KCNH1: variants seen among roughly 807,000 people sequenced by gnomAD.
The protein encoded by KCNH1 is voltage-gated delayed rectifier potassium channel KCNH1.
Under a neutral mutation model 69.2 loss-of-function variants are expected in KCNH1, and 27 were observed. The observed-to-expected ratio is 0.39, with a 90% confidence interval of 0.29 to 0.54. KCNH1 has a LOEUF of 0.54. Ranked by LOEUF, KCNH1 falls within the 20% of genes least tolerant of loss-of-function variation. The pLI is 0.68. For missense variants in KCNH1, 798 were observed against 1,261.6 expected (o/e 0.63, Z 5.57); for synonymous variants, 456 against 487.7 (o/e 0.93, Z 0.86).
In KCNH1 at chr1:210,922,383, C is replaced by CAA. The variant is rs758026291; in HGVS notation, c.1033-2316_1033-2315dup. Among the ~76,000 whole-genome samples, 83 of 98,310 alleles carry CAA rather than the reference C, an allele frequency of 8.4e-4. 10 individuals are homozygous for CAA. The highest frequency in any genetic ancestry group is 3.7e-3 in the East Asian group (7 of 1,872). The allele number at this position is 98,310 out of a possible 152,430, so 64.5% of individuals were successfully genotyped here. Reference sequence around the variant, plus strand: ...TGGGCAACAGAGCGAGACTCCGTCTCAAAAAAAAAAAAAAAAAAAAAAAAA... The same window carrying CAA: ...TGGGCAACAGAGCGAGACTCCGTCTCAAAAAAAAAAAAAAAAAAAAAAAAAAA... On this transcript the variant is annotated intron_variant, in intron 6 of 10. Coordinates refer to ENST00000271751, the MANE Select transcript of KCNH1 (RefSeq NM_172362.3).
chr1:211,073,927 G>GA (rs1419901125), intron 5 of KCNH1, among the ~76,000 whole-genome samples: 2 of 151,706 alleles, frequency 1.3e-5, no homozygotes, highest in Non-Finnish European at 2.9e-5. Flanking sequence ...CTCATTCTTT[G>GA]AAAAAAATCA....
chr1:210,907,646 T>A (rs1009876746), intron 7 of KCNH1, among the ~76,000 whole-genome samples: 1 of 152,164 alleles, frequency 6.6e-6, no homozygotes, highest in African/African-American at 2.4e-5. Flanking sequence ...TTCCCCCACA[T>A]TGGAGCAAAC....
chr1:210,707,669 A>G (rs563044185), intron 10 of KCNH1, among the ~76,000 whole-genome samples: 4 of 152,292 alleles, frequency 2.6e-5, no homozygotes, highest in African/African-American at 9.6e-5. Context: ...GCCCAGTGGC[A>G]GGCTGTGGGC....
At chr1:210,862,248 G>A in intron 7 of KCNH1, 1 of 1,069,426 alleles carries the variant, frequency 9.4e-7, no homozygotes, top group East Asian at 2.4e-5. Context: ...GGTCCATGGT[G>A]CCCCGCAGGG....
At chr1:210,858,472 A>C (rs1053265271) in intron 7 of KCNH1, 1 of 151,968 alleles carries the variant, frequency 6.6e-6, no homozygotes, top group Non-Finnish European at 1.5e-5. Context: ...CTTGCCCCCC[A>C]CTCCATTACA....
At chr1:211,054,118 CA>C (rs57400570) in intron 5 of KCNH1, among the ~76,000 whole-genome samples, 7,415 of 131,556 alleles carry the variant, frequency 0.056, 476 homozygotes, top group African/African-American at 0.18. Context: ...AAAAATAATA[CA>C]AAAAAAAAAA....
intron 10 of KCNH1, among the ~76,000 whole-genome samples, chr1:210,725,762 C>A (rs1274060234): frequency 6.6e-6 from 1 of 152,204 alleles, no homozygotes; most frequent in Non-Finnish European, 1.5e-5. Context: ...TGCTGAGCCA[C>A]TACTCTGTTT....
chr1:210,859,917 G>C, intron 7 of KCNH1: 1 of 1,412,180 alleles, frequency 7.1e-7, no homozygotes, highest in Non-Finnish European at 1.0e-6. Flanking sequence ...ATAATGTAAA[G>C]CTGCAATTGC....
intron 6 of KCNH1, among the ~76,000 whole-genome samples, chr1:211,002,269 C>T (rs7542421): frequency 0.63 from 92,131 of 146,478 alleles, 28,994 homozygotes; most frequent in African/African-American, 0.74. Flanking sequence ...CACACACACA[C>T]ATATATATAC....
rs1051137830 is a variant in KCNH1 at position 210,715,313 on chromosome 1, C to T, written c.2113-31175G>A. 2.0e-5 allele frequency among the ~76,000 whole-genome samples: 3 copies of T among 152,220 alleles called. 1 individual carries two copies. The highest frequency in any genetic ancestry group is 6.8e-3 in the Middle Eastern group (2 of 294). ...CAAGAGGGTAGGGAGGGACAAGGAG[C>T]CCAGTTCTCTTTGCCTTGAGCCTTA... On this transcript the variant is annotated intron_variant, in intron 10 of 10. Coordinates refer to ENST00000271751, the MANE Select transcript of KCNH1 (RefSeq NM_172362.3).
chr1:211,076,775 A>G (rs1204349231), intron 5 of KCNH1, among the ~76,000 whole-genome samples: 13 of 152,258 alleles, frequency 8.5e-5, no homozygotes. Context: ...GAGCTGACAG[A>G]AGTAGGCTTC....
intron 7 of KCNH1, among the ~76,000 whole-genome samples, chr1:210,816,557 G>A (rs1000361417): frequency 3.9e-5 from 6 of 152,184 alleles, no homozygotes; most frequent in Admixed American, 3.9e-4. Flanking sequence ...AGCTCGCTGA[G>A]TTCTTGATTG....
At chr1:210,734,879 A>C (rs1213208116) in intron 10 of KCNH1, among the ~76,000 whole-genome samples, 2 of 152,162 alleles carry the variant, frequency 1.3e-5, no homozygotes, top group Admixed American at 6.5e-5. Context: ...GTAAGCTATT[A>C]ATATTAGGAT....
At chr1:211,071,080 A>C (rs1690634025) in intron 5 of KCNH1, among the ~76,000 whole-genome samples, 1 of 152,374 alleles carries the variant, frequency 6.6e-6, no homozygotes, top group East Asian at 1.9e-4. Context: ...ACAAAGCTAC[A>C]GAAAATAAAA....
chr1:211,090,364 C>T (rs950398499), intron 4 of KCNH1, among the ~76,000 whole-genome samples, 198 bp downstream of exon 4: 77 of 152,180 alleles, frequency 5.1e-4, no homozygotes, highest in African/African-American at 1.8e-3. Context: ...AAATGCTTTC[C>T]TAAACAAAGT....
chr1:210,900,776 C>A (rs546362051), intron 7 of KCNH1, among the ~76,000 whole-genome samples: 36 of 152,254 alleles, frequency 2.4e-4, no homozygotes, highest in Admixed American at 1.3e-3. Flanking sequence ...TAATAGGGTT[C>A]TCCTCACTGA....
intron 7 of KCNH1, among the ~76,000 whole-genome samples, chr1:210,817,989 C>G (rs573616424): frequency 6.6e-6 from 1 of 152,220 alleles, no homozygotes; most frequent in South Asian, 2.1e-4. Context: ...AAGGTGTCTC[C>G]AGACATTGAT....
chr1:210,748,403 T>C (rs1683210205), intron 10 of KCNH1, among the ~76,000 whole-genome samples: 2 of 152,198 alleles, frequency 1.3e-5, no homozygotes, highest in Non-Finnish European at 2.9e-5. Context: ...GCAACTATTA[T>C]GACAGAACTC....
intron 10 of KCNH1, among the ~76,000 whole-genome samples, chr1:210,749,391 G>A (rs1025122783): frequency 9.2e-5 from 14 of 152,130 alleles, no homozygotes; most frequent in East Asian, 3.9e-4. Context: ...CTTGTATGGG[G>A]GAAACCTAAC....
Sources: allele counts gnomAD v4.1 joint callset (sites outside exome capture counted in the v4.1 genomes callset), GRCh38; gene constraint gnomAD v4.1.1; transcripts MANE v1.5; gene names NCBI Gene and HGNC (gene_info 2026-07-23, HGNC 2026-07-21).